SIN3A: variants seen among roughly 807,000 people sequenced by gnomAD.
SIN3A encodes SIN3 transcription regulator family member A, also known as paired amphipathic helix protein Sin3a.
SIN3A carries 14 observed loss-of-function variants against 146.1 expected under a neutral mutation model. The ratio of observed to expected loss-of-function variants is 0.10; its 90% CI spans 0.06 to 0.15. The LOEUF is 0.15. Among genes scored for constraint, SIN3A ranks in the 10% least tolerant of loss-of-function variants. SIN3A has a pLI of 1.00. For synonymous variants in SIN3A, 572 were observed against 572.0 expected (o/e 1.00, Z 0.00); for missense variants, 1,028 against 1,576.0 (o/e 0.65, Z 5.89).
chr15:75,381,249 G>A (rs570391197), intron 18 of SIN3A, among the ~76,000 whole-genome samples: 1 of 152,204 alleles, frequency 6.6e-6, no homozygotes, highest in Non-Finnish European at 1.5e-5. Context: ...TTCAGGGGTT[G>A]AAAACTCTGG....
At chr15:75,408,889 C>G (rs1412628990) in intron 8 of SIN3A, among the ~76,000 whole-genome samples, 1 of 152,184 alleles carries the variant, frequency 6.6e-6, no homozygotes. Context: ...TCTTTCTTAA[C>G]ACAAGGCAGA....
chr15:75,400,905 A>C lies in SIN3A; in HGVS notation c.1562T>G (p.Phe521Cys). Reference sequence around the variant, plus strand: ...ATGTACAGACTCCTTATAGCCCAGAAAGTTTTTAAACCAATTAAACAACTC... The same window carrying C: ...ATGTACAGACTCCTTATAGCCCAGACAGTTTTTAAACCAATTAAACAACTC... ...FPELFNWFKN[F>C]LGYKESVHLE... Residue 521 changes from phenylalanine (F) to cysteine (C), a missense_variant, in exon 11 of 21, where the codon TTT becomes TGT. By Grantham distance (205) the Phe-to-Cys change is radical. Around this residue, in one of 9 missense-constraint regions of SIN3A, gnomAD observed 157 missense variants for 284.8 expected, o/e 0.55. Transcript: ENST00000394947. The C allele has an allele frequency of 6.2e-7, 1 of 1,613,954 alleles. No individual in the cohort carries two copies. The highest frequency in any genetic ancestry group is 8.5e-7 in the Non-Finnish European group (1 of 1,180,016).
chr15:75,419,685 C>G (rs955593637), intron 3 of SIN3A: 2 of 151,464 alleles, frequency 1.3e-5, no homozygotes, highest in Non-Finnish European at 2.9e-5. Flanking sequence ...AAAAATTAGG[C>G]TTGGTGGTGC....
upstream of SIN3A, chr15:75,453,369 A>AC (rs920602026): frequency 1.1e-4 from 16 of 152,196 alleles, no homozygotes; most frequent in African/African-American, 3.4e-4. Flanking sequence ...CAACGAAGCG[A>AC]CCCCAGGGCC....
At chr15:75,413,854 C>G (rs1443007609) in intron 4 of SIN3A, among the ~76,000 whole-genome samples, 1 of 152,218 alleles carries the variant, frequency 6.6e-6, no homozygotes, top group Non-Finnish European at 1.5e-5. Context: ...TTTCAGCACA[C>G]ATCTACATTG....
At chr15:75,385,036 G>A (rs1177336277) in intron 16 of SIN3A, among the ~76,000 whole-genome samples, 6 of 152,308 alleles carry the variant, frequency 3.9e-5, no homozygotes, top group African/African-American at 1.4e-4. Flanking sequence ...AGCCGGGCGT[G>A]GTGGCAGGAG....
At chr15:75,429,377 C>T (rs2073977493) in intron 2 of SIN3A, among the ~76,000 whole-genome samples, 1 of 152,044 alleles carries the variant, frequency 6.6e-6, no homozygotes, top group South Asian at 2.1e-4. Flanking sequence ...GAGTCATGAT[C>T]GCACCACTAC....
chr15:75,442,212 G>A (rs1005129296), intron 1 of SIN3A, among the ~76,000 whole-genome samples: 1 of 137,202 alleles, frequency 7.3e-6, no homozygotes, highest in East Asian at 2.1e-4. Flanking sequence ...ATACATATAC[G>A]TAACTTTGGC....
intron 19 of SIN3A, among the ~76,000 whole-genome samples, chr15:75,377,390 T>C (rs191202324): frequency 5.1e-4 from 78 of 152,200 alleles, no homozygotes; most frequent in Admixed American, 5.0e-3. Context: ...TCTGGGAGGC[T>C]GAGGCAGGCA....
chr15:75,396,599 A>T (rs1328151049), intron 12 of SIN3A, 103 bp from the exon 13 acceptor site: 2 of 809,762 alleles, frequency 2.5e-6, no homozygotes, highest in Non-Finnish European at 4.0e-6. Context: ...TTGGATTTGA[A>T]TCCTGGTTCT....
rs1305787696 is a variant in SIN3A, at chr15:75,389,905, C to A, written c.2852-84G>T. ...GTACAGGGCAAATCCCACAGCTGGC[C>A]TAAATGGCATTTGAAAGTATGAACA... On this transcript the variant is annotated intron_variant, in intron 15 of 20. Transcript: ENST00000394947. 6.5e-5 allele frequency: 87 copies of A among 1,344,514 alleles called. 4 individuals are homozygous for A. In the Admixed American group the frequency reaches 1.6e-3, roughly 25 times the overall value. The allele number at this position is 1,344,514 out of a possible 1,614,324, so 83.3% of individuals were successfully genotyped here. A position where few individuals can be genotyped will look rare whatever the true frequency, so the allele number is the denominator to read the frequency against.
At chr15:75,404,588 T>C (rs2073472401) in intron 9 of SIN3A, among the ~76,000 whole-genome samples, 1 of 151,734 alleles carries the variant, frequency 6.6e-6, no homozygotes, top group African/African-American at 2.4e-5. Flanking sequence ...AGTGAAACCC[T>C]GTCTCTACTA....
chr15:75,383,778 T>C (rs958115836), intron 17 of SIN3A, among the ~76,000 whole-genome samples: 26 of 152,120 alleles, frequency 1.7e-4, no homozygotes, highest in African/African-American at 6.3e-4. Flanking sequence ...CACGCTACCA[T>C]GCCGGGCTAA....
At chr15:75,442,120 CAAAAAAAAAAAAAAAAAA>C (rs57418865) in intron 1 of SIN3A, among the ~76,000 whole-genome samples, 2 of 29,278 alleles carry the variant, frequency 6.8e-5, no homozygotes, top group South Asian at 2.7e-3. Flanking sequence ...GACTCTGTCT[CAAAAAAAAAAAAAAAAAA>C]AAAAAAAAAA....
intron 1 of SIN3A, among the ~76,000 whole-genome samples, chr15:75,437,417 T>C (rs988107202): frequency 6.6e-6 from 1 of 152,184 alleles, no homozygotes; most frequent in Non-Finnish European, 1.5e-5. Context: ...TCCTCCTGTC[T>C]TGGCCTCCCA....
In SIN3A at chr15:75,400,180, G is replaced by A. The variant is rs781424498; in HGVS notation, c.1738-24C>T. ...ACCTTTGGGTAGAAGAAGAGAGACT[G>A]AAACAAAAGCCTAAAAAAGCTTTCT... On this transcript the variant is annotated intron_variant, in intron 11 of 20. Transcript: ENST00000394947. 5.1e-6 allele frequency: 7 copies of A among 1,359,786 alleles called. No homozygotes were observed. The Admixed American group carries it at 9.4e-5, about 18-fold the overall frequency. The allele number at this position is 1,359,786 out of a possible 1,614,324, so 84.2% of individuals were successfully genotyped here.
At chr15:75,401,056 T>C in intron 10 of SIN3A, 116 bp from the exon 11 acceptor site, 1 of 704,574 alleles carries the variant, frequency 1.4e-6, no homozygotes. Flanking sequence ...ATGAATTATT[T>C]CCTGCCTAAG....
intron 1 of SIN3A, among the ~76,000 whole-genome samples, chr15:75,438,279 C>T (rs2074140382): frequency 6.6e-6 from 1 of 152,042 alleles, no homozygotes; most frequent in African/African-American, 2.4e-5. Flanking sequence ...ACACAAGAAT[C>T]GCTTGAACCC....
chr15:75,411,404 T>C, intron 6 of SIN3A, 88 bp downstream of exon 6: 1 of 1,311,636 alleles, frequency 7.6e-7, no homozygotes, highest in Non-Finnish European at 1.0e-6. Context: ...CAGTATGAAT[T>C]AATGGACACA....
Sources: allele counts gnomAD v4.1 joint callset (sites outside exome capture counted in the v4.1 genomes callset), GRCh38; gene constraint gnomAD v4.1.1; regional missense constraint gnomAD v4.1.1; transcripts MANE v1.5; gene names NCBI Gene and HGNC (gene_info 2026-07-23, HGNC 2026-07-21).